IPO11: variants seen among roughly 807,000 people sequenced by gnomAD.
IPO11 encodes the protein importin-11.
Under a neutral mutation model 143.2 loss-of-function variants are expected in IPO11, and 66 were observed. The ratio of observed to expected loss-of-function variants is 0.46; its 90% confidence interval spans 0.38 to 0.57. The LOEUF (loss-of-function observed/expected upper bound fraction) is 0.57, where lower values mean the gene tolerates loss of function less well. Among genes scored for constraint, IPO11 ranks in the 20% least tolerant of loss-of-function variants. IPO11 has a pLI of 0.00. For missense variants in IPO11, 1,026 were observed against 1,141.0 expected (o/e 0.90, Z 1.45); for synonymous variants, 385 against 377.8 (o/e 1.02, Z -0.22).
rs190383448 is a variant in IPO11, at chr5:62,592,216, T to C, written c.2678+544T>C. 3.0e-4 allele frequency among the ~76,000 whole-genome samples: 46 copies of C among 152,326 alleles called. 1 individual carries two copies. Among genetic ancestry groups the C allele is most frequent in the Admixed American group, 2.8e-3 (43 of 15,292 alleles). ...CTGCTTTGATTTACTCATTGTTTGA[T>C]GATTAAGTTTTTAAAATTTCAAATA... On this transcript the variant is annotated intron_variant, in intron 28 of 29. Transcript: ENST00000325324.
intron 20 of IPO11, among the ~76,000 whole-genome samples, chr5:62,521,292 AT>A (rs1430270521): frequency 6.6e-6 from 1 of 152,182 alleles, no homozygotes; most frequent in African/African-American, 2.4e-5. Context: ...GTTTTGAGAT[AT>A]TGCATGTGCG....
At chr5:62,575,196 A>G (rs1391803131) in intron 27 of IPO11, among the ~76,000 whole-genome samples, 1 of 152,216 alleles carries the variant, frequency 6.6e-6, no homozygotes, top group Admixed American at 6.5e-5. Context: ...TTTCACTTAG[A>G]AATTATTTCA....
At chr5:62,430,826 C>T (rs1473974946) in intron 1 of IPO11, among the ~76,000 whole-genome samples, 1 of 150,716 alleles carries the variant, frequency 6.6e-6, no homozygotes, top group Non-Finnish European at 1.5e-5. Flanking sequence ...TACAGGCGTG[C>T]ACCATCACGT....
intron 27 of IPO11, among the ~76,000 whole-genome samples, chr5:62,582,545 A>G (rs1383524782): frequency 6.6e-6 from 1 of 152,212 alleles, no homozygotes; most frequent in African/African-American, 2.4e-5. Flanking sequence ...GTCTTATGGT[A>G]AAGGCCAATA....
chr5:62,573,081 C>G (rs1256824007), intron 27 of IPO11, among the ~76,000 whole-genome samples: 2 of 149,760 alleles, frequency 1.3e-5, no homozygotes, highest in Non-Finnish European at 3.0e-5. Flanking sequence ...GAGTTTCACA[C>G]TGTCGCCCAG....
At chr5:62,587,144 T>C (rs917761143) in intron 27 of IPO11, among the ~76,000 whole-genome samples, 2 of 152,014 alleles carry the variant, frequency 1.3e-5, no homozygotes, top group Non-Finnish European at 2.9e-5. Context: ...CCTTGTAGTC[T>C]TGAAGATAAT....
At chr5:62,620,055 AAG>A (rs1162473746) in intron 29 of IPO11, among the ~76,000 whole-genome samples, 2 of 152,120 alleles carry the variant, frequency 1.3e-5, no homozygotes, top group Non-Finnish European at 2.9e-5. Flanking sequence ...TGTCAACAAA[AAG>A]AGTCATACTC....
At chr5:62,593,297 A>G (rs1745101609) in intron 28 of IPO11, among the ~76,000 whole-genome samples, 1 of 152,242 alleles carries the variant, frequency 6.6e-6, no homozygotes, top group African/African-American at 2.4e-5. Flanking sequence ...GAAAGTTACT[A>G]GAAAATTTAG....
chr5:62,533,209 T>C (rs1742617363), intron 22 of IPO11, among the ~76,000 whole-genome samples: 1 of 105,550 alleles, frequency 9.5e-6, no homozygotes, highest in Non-Finnish European at 1.9e-5. Flanking sequence ...TCTTTCTTTC[T>C]TTCTTCTTTT....
intron 22 of IPO11, 55 bp from the exon 23 acceptor site, chr5:62,536,647 A>G: frequency 6.5e-7 from 1 of 1,545,290 alleles, no homozygotes. Flanking sequence ...CATTTAAACT[A>G]ATTTTGAGCA....
intron 20 of IPO11, among the ~76,000 whole-genome samples, chr5:62,518,279 A>T (rs1318350897): frequency 1.3e-5 from 2 of 152,062 alleles, no homozygotes; most frequent in Non-Finnish European, 1.5e-5. Flanking sequence ...CCCCATCTCT[A>T]CTAAAAATAC....
Position 62,449,963 on chromosome 5 carries a change from A to G in IPO11, c.276A>G (p.Ala92=). The change falls in exon 4 of 30, where the codon GCA becomes GCG. Residue 92 remains alanine (A), a synonymous_variant. Transcript: ENST00000325324. ...AGGAGGAGAAAACTACTCTGCGTGC[A>G]GGGCTCATCACCAACTTCAATGAAC... is the stretch of plus-strand genomic sequence containing the variant. ...LSEEEKTTLR[A]GLITNFNEPI... 1 of 1,600,704 alleles carries G rather than the reference A, an allele frequency of 6.2e-7. No individual in the cohort carries two copies. Among genetic ancestry groups the G allele is most frequent in the Non-Finnish European group, 8.5e-7 (1 of 1,174,974 alleles).
intron 28 of IPO11, among the ~76,000 whole-genome samples, chr5:62,599,467 C>A (rs1328983253): frequency 6.6e-6 from 1 of 152,098 alleles, no homozygotes; most frequent in Non-Finnish European, 1.5e-5. Context: ...TAAATTCAGC[C>A]TTTTCTCATC....
intron 24 of IPO11, among the ~76,000 whole-genome samples, chr5:62,541,122 A>T (rs979187101): frequency 6.6e-6 from 1 of 152,188 alleles, no homozygotes; most frequent in African/African-American, 2.4e-5. Context: ...CTGTAATCCC[A>T]GCACTTTGGG....
At chr5:62,476,204 G>T (rs1009960407) in intron 8 of IPO11, among the ~76,000 whole-genome samples, 1 of 152,092 alleles carries the variant, frequency 6.6e-6, no homozygotes, top group African/African-American at 2.4e-5. Flanking sequence ...TTAACAAACA[G>T]AATATGAAGA....
At chr5:62,434,466 A>AT (rs995348357) in intron 1 of IPO11, among the ~76,000 whole-genome samples, 2 of 151,556 alleles carry the variant, frequency 1.3e-5, no homozygotes, top group Non-Finnish European at 2.9e-5. Flanking sequence ...CACCTGGGTA[A>AT]TTTTTGTATT....
intron 24 of IPO11, among the ~76,000 whole-genome samples, chr5:62,545,428 C>T (rs1287412000): frequency 2.0e-5 from 3 of 152,160 alleles, no homozygotes; most frequent in Non-Finnish European, 2.9e-5. Context: ...CCCTTCCTTA[C>T]ACCTTATACA....
intron 29 of IPO11, among the ~76,000 whole-genome samples, chr5:62,624,127 C>T (rs1168202374): frequency 1.3e-5 from 2 of 152,068 alleles, no homozygotes; most frequent in Non-Finnish European, 2.9e-5. Flanking sequence ...CTCCACCTCC[C>T]GGGTTCAGGC....
intron 5 of IPO11, among the ~76,000 whole-genome samples, chr5:62,463,825 ATTT>A (rs1216895535): frequency 2.1e-5 from 3 of 143,846 alleles, no homozygotes; most frequent in Non-Finnish European, 1.5e-5. Context: ...TTACTTCTGT[ATTT>A]TTTTTTTTTT....
Sources: gnomAD v4.1 joint callset for allele counts (sites outside exome capture counted in the v4.1 genomes callset) on GRCh38, gnomAD v4.1.1 for gene constraint, MANE v1.5 for transcripts, NCBI Gene and HGNC (gene_info 2026-07-23, HGNC 2026-07-21) for gene names.